Variants in GCNT4 observed in about 807,000 individuals in gnomAD.
GCNT4 encodes glucosaminyl (N-acetyl) transferase 4.
GCNT4 carries 17 observed loss-of-function variants against 31.3 expected under a neutral mutation model. The observed-to-expected ratio is 0.54, with a 90% CI of 0.37 to 0.81. GCNT4 has a LOEUF of 0.81. GCNT4 is among the 40% of genes least tolerant of loss of function. The pLI, the probability that GCNT4 is intolerant of heterozygous loss-of-function variation, is 0.00. For missense variants in GCNT4, 503 were observed against 525.5 expected (o/e 0.96, Z 0.42); for synonymous variants, 158 against 190.6 (o/e 0.83, Z 1.41).
chr5:75,021,289 T>A (rs145346226), downstream of GCNT4, among the ~76,000 whole-genome samples: 49 of 152,258 alleles, frequency 3.2e-4, 2 homozygotes, highest in East Asian at 8.9e-3. Context: ...ATCCTTATGT[T>A]TTGTGATTAA....
intron 3 of GCNT4, among the ~76,000 whole-genome samples, chr5:75,043,274 G>T (rs569458854): frequency 6.6e-6 from 1 of 152,168 alleles, no homozygotes; most frequent in South Asian, 2.1e-4. Flanking sequence ...TCTGGTGCCA[G>T]CATAAAAAGA....
downstream of GCNT4, among the ~76,000 whole-genome samples, chr5:75,024,541 T>C (rs1408646793): frequency 6.6e-6 from 1 of 151,978 alleles, no homozygotes; most frequent in African/African-American, 2.4e-5. Flanking sequence ...GGGTTGATGA[T>C]AACAAATACT....
At position 75,028,969 on chromosome 5, in the gene GCNT4, G is replaced by T. The variant is rs1216223217; in HGVS notation, c.1069C>A (p.Gln357Lys). The T allele has an allele frequency of 6.2e-7, 1 of 1,613,754 alleles. No homozygotes were observed. The highest frequency in any genetic ancestry group is 8.5e-7 in the Non-Finnish European group (1 of 1,179,990). The change falls in exon 4 of 4, where the codon CAG (glutamine) becomes AAG (lysine). Residue 357 changes from glutamine (Q) to lysine (K), a missense_variant. By Grantham distance (53) the Gln-to-Lys change is moderately conservative. Coordinates refer to ENST00000652361, the MANE Select transcript of GCNT4 (RefSeq NM_001366737.1). ...GIPGEISRSAQDVSDLQSKTR... is the reference protein window; with the variant it reads ...GIPGEISRSAKDVSDLQSKTR... The stretch of plus-strand genomic sequence containing the variant: ...TTACTCTGCAGATCAGACACATCCT[G>T]GGCTGATCTGGAAATCTCCCCAGGT...
In GCNT4 at chr5:75,029,732, A is replaced by T. The variant is rs202063088; in HGVS notation, c.306T>A (p.Asp102Glu). 2.5e-6 allele frequency: 4 copies of T among 1,613,994 alleles called. No homozygotes were observed. Among genetic ancestry groups the T allele is most frequent in the Non-Finnish European group, 3.4e-6 (4 of 1,180,016 alleles). Residue 102 changes from aspartate (D) to glutamate (E), a missense_variant, in exon 4 of 4, where the codon GAT (aspartate) becomes GAA (glutamate). Coordinates refer to ENST00000652361, the MANE Select transcript of GCNT4 (RefSeq NM_001366737.1). ...CACAATCACTGGTCATTGCCACAAC[A>T]TCATCATCCTCCAAGTCAATGATGT... Reference protein sequence around the residue: ...RRDIIDLEDDDVVAMTSDCDI... With the variant: ...RRDIIDLEDDEVVAMTSDCDI...
upstream of GCNT4, among the ~76,000 whole-genome samples, chr5:75,053,405 G>A (rs76636990): frequency 0.069 from 10,548 of 152,168 alleles, 561 homozygotes; most frequent in Admixed American, 0.17. Flanking sequence ...GAAAACGAAA[G>A]TCGTGAGGAG....
At chr5:75,050,572 T>C (rs1017866088) in intron 2 of GCNT4, among the ~76,000 whole-genome samples, 1 of 152,088 alleles carries the variant, frequency 6.6e-6, no homozygotes, top group Non-Finnish European at 1.5e-5. Flanking sequence ...GCGAGTGCAC[T>C]ATGTGGCCAC....
At position 75,048,728 on chromosome 5, in the gene GCNT4, T is replaced by C. The variant is rs182602001; in HGVS notation, c.-142-691A>G. 2.1e-3 allele frequency among the ~76,000 whole-genome samples: 326 copies of C among 152,310 alleles called. 12 individuals carry two copies. Among genetic ancestry groups the C allele is most frequent in the Admixed American group, 0.018 (273 of 15,300 alleles). On this transcript the variant is annotated intron_variant, in intron 2 of 3. Coordinates refer to ENST00000652361, the MANE Select transcript of GCNT4 (RefSeq NM_001366737.1). ...AGGAAGGGACCAACCCACTCTGCTC[T>C]GTACTGAGCAGACACCCTGAGAAAT...
chr5:75,047,592 A>G (rs1028254673), intron 3 of GCNT4: 1 of 152,214 alleles, frequency 6.6e-6, no homozygotes, highest in African/African-American at 2.4e-5. Context: ...TAGAAACCAC[A>G]GCTAAAAGCA....
intron 3 of GCNT4, among the ~76,000 whole-genome samples, chr5:75,038,037 G>A (rs947005849): frequency 1.3e-5 from 2 of 149,242 alleles, no homozygotes; most frequent in Non-Finnish European, 3.0e-5. Context: ...CTTGTAGACA[G>A]TATATCCTTC....
chr5:75,023,486 C>T (rs577581011), downstream of GCNT4, among the ~76,000 whole-genome samples: 1 of 151,754 alleles, frequency 6.6e-6, no homozygotes, highest in Admixed American at 6.6e-5. Context: ...AGAAGCTGTA[C>T]GAACAACACT....
At chr5:75,044,504 C>T (rs1427323752) in intron 3 of GCNT4, among the ~76,000 whole-genome samples, 4 of 151,662 alleles carry the variant, frequency 2.6e-5, no homozygotes, top group African/African-American at 4.9e-5. Flanking sequence ...CTGACTCAAA[C>T]GGTTACTGCG....
chr5:75,027,140 C>A lies in GCNT4; in HGVS notation c.*1536G>T, dbSNP rs927866431. The A allele has an allele frequency of 2.7e-5, 4 of 150,386 alleles. No individual in the cohort carries two copies. Among genetic ancestry groups the A allele is most frequent in the Non-Finnish European group, 5.9e-5 (4 of 67,746 alleles). 9.3% of individuals were successfully genotyped at this position (150,386 alleles called of 1,614,324 possible). A position where few individuals can be genotyped will look rare whatever the true frequency, so the allele number is the denominator to read the frequency against. ...GGCTGCCATTGAGACATATCATGACCAAGAAATTTTTACATGAGTTCTACA... is the reference window on the plus strand; with the variant it reads ...GGCTGCCATTGAGACATATCATGACAAAGAAATTTTTACATGAGTTCTACA... On this transcript the variant is annotated 3_prime_UTR_variant, in exon 4 of 4. Coordinates refer to ENST00000652361, the MANE Select transcript of GCNT4 (RefSeq NM_001366737.1).
chr5:75,046,373 C>G (rs1260596113), intron 3 of GCNT4, among the ~76,000 whole-genome samples: 1 of 152,110 alleles, frequency 6.6e-6, no homozygotes, highest in Non-Finnish European at 1.5e-5. Context: ...TGCAGTGACA[C>G]AGAGAGCAGG....
intron 3 of GCNT4, among the ~76,000 whole-genome samples, chr5:75,041,838 A>G (rs548338909): frequency 1.3e-5 from 2 of 152,382 alleles, no homozygotes; most frequent in East Asian, 3.9e-4. Context: ...GCAAAGATAC[A>G]TGGCTAAAGT....
chr5:75,052,041 T>C (rs113632128), intron 2 of GCNT4, 128 bp downstream of exon 2: 1 of 152,146 alleles, frequency 6.6e-6, no homozygotes, highest in Non-Finnish European at 1.5e-5. Context: ...TTTACTTCCT[T>C]AAGAGACTAT....
rs762785046 is a variant in GCNT4, at chr5:75,028,679, T to C, written c.1359A>G (p.Ser453=). 1.9e-6 allele frequency: 3 copies of C among 1,608,340 alleles called. No individual in the cohort carries two copies. Among genetic ancestry groups the C allele is most frequent in the Non-Finnish European group, 2.5e-6 (3 of 1,177,342 alleles). Residue 453 remains serine (S), a synonymous_variant, in exon 4 of 4, where the codon TCA becomes TCG. Transcript: ENST00000652361. Reference sequence around the variant, plus strand: ...TATTTCCATCCTGATTTTACTATCATGATGTGGTAGTGAGATTTCTATCCA... The same window carrying C: ...TATTTCCATCCTGATTTTACTATCACGATGTGGTAGTGAGATTTCTATCCA... ...LFMDRNLTTT[S]
downstream of GCNT4, among the ~76,000 whole-genome samples, chr5:75,022,371 T>C (rs746100456): frequency 6.6e-6 from 1 of 152,240 alleles, no homozygotes; most frequent in Non-Finnish European, 1.5e-5. Flanking sequence ...TCTGAACTTT[T>C]AACTATAGTG....
At chr5:75,033,836 T>C (rs1414572582) in intron 3 of GCNT4, among the ~76,000 whole-genome samples, 1 of 152,004 alleles carries the variant, frequency 6.6e-6, no homozygotes, top group Non-Finnish European at 1.5e-5. Flanking sequence ...TCCCTCCCCT[T>C]GCTCCTCACC....
chr5:75,038,408 C>T (rs986180277), intron 3 of GCNT4, among the ~76,000 whole-genome samples: 2 of 152,186 alleles, frequency 1.3e-5, no homozygotes, highest in South Asian at 4.1e-4. Context: ...TCATTTAACC[C>T]CATCTCATTC....
Sources: allele counts gnomAD v4.1 joint callset (sites outside exome capture counted in the v4.1 genomes callset), GRCh38; gene constraint gnomAD v4.1.1; transcripts MANE v1.5; gene names NCBI Gene and HGNC (gene_info 2026-07-23, HGNC 2026-07-21).